KANSL1L: variants seen among roughly 807,000 people sequenced by gnomAD.
The protein encoded by KANSL1L is KAT8 regulatory NSL complex subunit 1 like.
In KANSL1L, 25 loss-of-function variants were observed where a neutral mutation model predicts 108.6. The ratio of observed to expected loss-of-function variants is 0.23; its 90% CI spans 0.17 to 0.32. The LOEUF is 0.32. KANSL1L is among the 10% of genes least tolerant of loss of function. The probability of loss-of-function intolerance (pLI) is 1.00; values close to 1 mark genes in which losing one functional copy is unlikely to be tolerated. For synonymous variants in KANSL1L, 405 were observed against 395.1 expected (o/e 1.03, Z -0.30); for missense variants, 1,137 against 1,125.7 (o/e 1.01, Z -0.14).
chr2:210,150,887 T>TA (rs1287267373), intron 2 of KANSL1L, among the ~76,000 whole-genome samples: 1 of 151,846 alleles, frequency 6.6e-6, no homozygotes, highest in Non-Finnish European at 1.5e-5. Flanking sequence ...GACTAACAGA[T>TA]ATATTAGCCA....
chr2:210,023,352 T>C (rs775104110), intron 14 of KANSL1L, among the ~76,000 whole-genome samples, 173 bp from the exon 15 acceptor site: 14 of 152,222 alleles, frequency 9.2e-5, no homozygotes, highest in Non-Finnish European at 1.5e-4. Flanking sequence ...ATATTGAGAA[T>C]TGTTGAGTGA....
At chr2:210,151,075 G>A (rs1328968212) in intron 2 of KANSL1L, among the ~76,000 whole-genome samples, 1 of 152,098 alleles carries the variant, frequency 6.6e-6, no homozygotes, top group Non-Finnish European at 1.5e-5. Context: ...GAGTGCAAGG[G>A]GGTGATACGG....
At chr2:210,166,398 T>C (rs775206985) in intron 1 of KANSL1L, among the ~76,000 whole-genome samples, 5 of 152,136 alleles carry the variant, frequency 3.3e-5, no homozygotes, top group Non-Finnish European at 5.9e-5. Context: ...CAAAAAATTT[T>C]TGACAAACTT....
chr2:210,149,134 C>T (rs769477144), intron 2 of KANSL1L, among the ~76,000 whole-genome samples: 129 of 152,050 alleles, frequency 8.5e-4, no homozygotes, highest in Non-Finnish European at 1.5e-3. Flanking sequence ...ATCAAGTAAA[C>T]ACAATGCAAC....
At position 210,021,967 on chromosome 2, in the gene KANSL1L, TTAAC is replaced by T. The variant is rs556861022; in HGVS notation, c.*978_*981del. On this transcript the variant is annotated 3_prime_UTR_variant, in exon 15 of 15. Transcript: ENST00000281772. ...AGCTAGAAATAGAAATCAGCCAGAA[TTAAC>T]TAATTTCTTGCTAATCTAGAAATAC... The T allele has an allele frequency of 2.2e-4, 34 of 151,624 alleles. No individual in the cohort carries two copies. The highest frequency in any genetic ancestry group is 6.8e-4 in the African/African-American group (28 of 41,334). 9.4% of individuals were successfully genotyped at this position (151,624 alleles called of 1,614,324 possible).
chr2:210,040,307 T>C (rs1418202603), intron 8 of KANSL1L, 113 bp downstream of exon 8: 1 of 656,318 alleles, frequency 1.5e-6, no homozygotes, highest in East Asian at 2.8e-5. Flanking sequence ...TATTAAAAAT[T>C]AAGGATTTTC....
chr2:210,099,227 C>T (rs552137380), intron 4 of KANSL1L, among the ~76,000 whole-genome samples: 8 of 152,236 alleles, frequency 5.3e-5, no homozygotes, highest in African/African-American at 1.4e-4. Flanking sequence ...TTTTCTAAAA[C>T]CTGGTTTTCC....
chr2:210,172,248 A>G (rs1040374665), upstream of KANSL1L, among the ~76,000 whole-genome samples: 1 of 152,188 alleles, frequency 6.6e-6, no homozygotes, highest in Admixed American at 6.5e-5. Context: ...TGAACTCTAA[A>G]TGTAGCTTCT....
At position 210,153,584 on chromosome 2, in the gene KANSL1L, A is replaced by G; in HGVS notation, c.999T>C (p.Ser333=). 1 of 1,614,092 alleles carries G rather than the reference A, an allele frequency of 6.2e-7. No individual in the cohort carries two copies. The highest frequency in any genetic ancestry group is 8.5e-7 in the Non-Finnish European group (1 of 1,180,008). The change falls in exon 2 of 15, where the codon TCT becomes TCC. Residue 333 remains serine, a synonymous_variant. Transcript: ENST00000281772. ...RFAFSATGLL[S]HVEEGLDSDA... ...CGGAATCCAAACCCTCTTCAACATG[A>G]GACAACAGCCCTGTAGCAGAAAATG...
At chr2:210,135,856 T>C (rs1239768539) in intron 2 of KANSL1L, among the ~76,000 whole-genome samples, 5 of 152,200 alleles carry the variant, frequency 3.3e-5, no homozygotes, top group Non-Finnish European at 5.9e-5. Flanking sequence ...CAAGTTCTCA[T>C]TTAAAATGTT....
intron 1 of KANSL1L, among the ~76,000 whole-genome samples, chr2:210,167,190 T>C (rs1266106070): frequency 1.3e-5 from 2 of 152,176 alleles, no homozygotes; most frequent in South Asian, 4.1e-4. Flanking sequence ...AAATACAGTG[T>C]TGTTTTCAAG....
At chr2:210,160,964 A>G (rs2095357975) in intron 1 of KANSL1L, among the ~76,000 whole-genome samples, 1 of 151,692 alleles carries the variant, frequency 6.6e-6, no homozygotes, top group Admixed American at 6.6e-5. Flanking sequence ...GCTCAGGAAC[A>G]GACCCACGCA....
chr2:210,098,269 TG>T (rs1374282036), intron 4 of KANSL1L, 62 bp from the exon 5 acceptor site: 1 of 1,515,234 alleles, frequency 6.6e-7, no homozygotes, highest in Admixed American at 1.9e-5. Flanking sequence ...AAAGCTCAGA[TG>T]CATAGTGCCA....
At chr2:210,090,733 A>G (rs1180304342) in intron 5 of KANSL1L, among the ~76,000 whole-genome samples, 1 of 151,886 alleles carries the variant, frequency 6.6e-6, no homozygotes, top group Non-Finnish European at 1.5e-5. Context: ...GGGTCTCACT[A>G]TATTGTCTAG....
chr2:210,119,775 G>T (rs1174679969), intron 3 of KANSL1L, among the ~76,000 whole-genome samples: 1 of 152,168 alleles, frequency 6.6e-6, no homozygotes, highest in Non-Finnish European at 1.5e-5. Flanking sequence ...TAACAAGGAT[G>T]CCCACTTTTA....
At chr2:210,065,660 A>ACGGCAAC (rs2094461355) in intron 6 of KANSL1L, among the ~76,000 whole-genome samples, 1 of 140,756 alleles carries the variant, frequency 7.1e-6, no homozygotes, top group Non-Finnish European at 1.5e-5. Flanking sequence ...ATCTCGGCTC[A>ACGGCAAC]CGGCAACCTC....
intron 6 of KANSL1L, among the ~76,000 whole-genome samples, chr2:210,062,595 G>A (rs1026289516): frequency 6.6e-6 from 1 of 152,224 alleles, no homozygotes; most frequent in East Asian, 1.9e-4. Flanking sequence ...AATCCAGGCT[G>A]AGGTAGTCTC....
intron 11 of KANSL1L, 111 bp from the exon 12 acceptor site, chr2:210,027,461 A>G (rs1171825348): frequency 2.9e-6 from 2 of 689,038 alleles, no homozygotes; most frequent in Non-Finnish European, 5.2e-6. Flanking sequence ...CCATGGTTCA[A>G]ATTGTTGTAT....
chr2:210,050,383 TA>T (rs971795599), intron 6 of KANSL1L, among the ~76,000 whole-genome samples: 1 of 151,978 alleles, frequency 6.6e-6, no homozygotes, highest in African/African-American at 2.4e-5. Context: ...TCAGATTGGA[TA>T]AAAAAGCCAC....
Sources: allele counts gnomAD v4.1 joint callset (sites outside exome capture counted in the v4.1 genomes callset), GRCh38; gene constraint gnomAD v4.1.1; transcripts MANE v1.5; gene names NCBI Gene and HGNC (gene_info 2026-07-23, HGNC 2026-07-21).